MTX2: variants seen among roughly 807,000 people sequenced by gnomAD.
MTX2 encodes the protein metaxin 2.
Under a neutral mutation model 42.3 loss-of-function variants are expected in MTX2, and 35 were observed. The ratio of observed to expected loss-of-function variants is 0.83; its 90% CI spans 0.63 to 1.10. The LOEUF (loss-of-function observed/expected upper bound fraction) is 1.10. Ranked by LOEUF, MTX2 falls within the 50% of genes least tolerant of loss-of-function variation. The probability of loss-of-function intolerance (pLI) is 0.00; values close to 1 mark genes in which losing one functional copy is unlikely to be tolerated. For synonymous variants in MTX2, 119 were observed against 100.9 expected (o/e 1.18, Z -1.08); for missense variants, 307 against 304.1 (o/e 1.01, Z -0.07).
At chr2:176,311,731 T>A (rs189086832) in intron 3 of MTX2, among the ~76,000 whole-genome samples, 1 of 152,322 alleles carries the variant, frequency 6.6e-6, no homozygotes, top group African/African-American at 2.4e-5. Context: ...AGAATCACCT[T>A]GTCTGCCGGT....
chr2:176,326,762 A>G (rs924897565), intron 4 of MTX2, 63 bp from the exon 5 acceptor site: 18 of 1,047,478 alleles, frequency 1.7e-5, no homozygotes, highest in Non-Finnish European at 2.5e-5. Flanking sequence ...AATTTTTTTT[A>G]ATTATCACAA....
At chr2:176,328,015 G>T (rs1215940753) in intron 5 of MTX2, among the ~76,000 whole-genome samples, 3 of 150,900 alleles carry the variant, frequency 2.0e-5, no homozygotes, top group African/African-American at 7.3e-5. Context: ...CTTAAACAAG[G>T]TTTGCTGACC....
chr2:176,320,722 T>TC (rs1473232391), intron 3 of MTX2, among the ~76,000 whole-genome samples: 1 of 145,440 alleles, frequency 6.9e-6, no homozygotes, highest in Non-Finnish European at 1.5e-5. Flanking sequence ...TGAGACAGGG[T>TC]CTTGTTGTAT....
intron 4 of MTX2, among the ~76,000 whole-genome samples, chr2:176,324,582 A>T (rs555469936): frequency 6.6e-6 from 1 of 151,694 alleles, no homozygotes; most frequent in Non-Finnish European, 1.5e-5. Flanking sequence ...CTATGTAGTC[A>T]TACAAACAGT....
chr2:176,277,037 A>G (rs1267776433), intron 1 of MTX2, among the ~76,000 whole-genome samples: 1 of 152,260 alleles, frequency 6.6e-6, no homozygotes, highest in East Asian at 1.9e-4. Context: ...TTTAAGCAGT[A>G]GCATTAATTT....
At chr2:176,311,539 G>A (rs983712640) in intron 3 of MTX2, among the ~76,000 whole-genome samples, 1 of 152,206 alleles carries the variant, frequency 6.6e-6, no homozygotes, top group African/African-American at 2.4e-5. Flanking sequence ...AGGCCTTGTT[G>A]ATCTGCAGTG....
intron 1 of MTX2, among the ~76,000 whole-genome samples, chr2:176,271,389 A>T (rs371456678): frequency 6.6e-6 from 1 of 152,322 alleles, no homozygotes; most frequent in African/African-American, 2.4e-5. Flanking sequence ...TAAGAGAAGA[A>T]ATTGGCAGAT....
intron 3 of MTX2, among the ~76,000 whole-genome samples, chr2:176,306,163 T>G (rs1348733161): frequency 6.6e-6 from 1 of 152,070 alleles, no homozygotes; most frequent in African/African-American, 2.4e-5. Flanking sequence ...GAACATGTGT[T>G]TGGTTTTCTG....
intron 1 of MTX2, among the ~76,000 whole-genome samples, chr2:176,281,366 GATTCTGGC>G (rs1253463146): frequency 6.6e-6 from 1 of 152,128 alleles, no homozygotes; most frequent in Non-Finnish European, 1.5e-5. Context: ...TCTGACAGTT[GATTCTGGC>G]TAGGACTTTG....
intron 1 of MTX2, among the ~76,000 whole-genome samples, chr2:176,281,534 T>G (rs1453813712): frequency 6.6e-6 from 1 of 152,174 alleles, no homozygotes; most frequent in East Asian, 1.9e-4. Flanking sequence ...AGAATTTGCA[T>G]CATCTTTTAT....
At chr2:176,337,395 C>A in intron 9 of MTX2, 98 bp from the exon 10 acceptor site, 1 of 1,048,704 alleles carries the variant, frequency 9.5e-7, no homozygotes, top group Non-Finnish European at 1.4e-6. Context: ...TTAGTTGAAC[C>A]TACGAGTATG....
rs1379561200 is a variant in MTX2 at position 176,337,824 on chromosome 2, A to G, written c.*160A>G. The G allele has an allele frequency of 7.7e-6, 4 of 521,466 alleles. No homozygotes were observed. In the African/African-American group the frequency reaches 7.9e-5, roughly 10 times the overall value. 32.3% of individuals were successfully genotyped at this position (521,466 alleles called of 1,614,324 possible). On this transcript the variant is annotated 3_prime_UTR_variant, in exon 10 of 10. Transcript: ENST00000249442. Reference sequence around the variant, plus strand: ...ATGTGCTTTATATTGTTATTTGTGTATACATTAAAATAATTCTGAATTATT... The same window carrying G: ...ATGTGCTTTATATTGTTATTTGTGTGTACATTAAAATAATTCTGAATTATT...
intron 3 of MTX2, among the ~76,000 whole-genome samples, chr2:176,306,373 T>G (rs1684144685): frequency 2.0e-5 from 3 of 152,184 alleles, no homozygotes; most frequent in African/African-American, 7.2e-5. Context: ...AATAAACATG[T>G]GTGCATTTGT....
chr2:176,272,443 C>T (rs540613756), intron 1 of MTX2, among the ~76,000 whole-genome samples: 16 of 152,112 alleles, frequency 1.1e-4, no homozygotes, highest in Admixed American at 5.2e-4. Context: ...TAAGTTGGTG[C>T]GGTGATGGAT....
At chr2:176,336,314 A>G (rs1357964969) in intron 9 of MTX2, among the ~76,000 whole-genome samples, 1 of 152,102 alleles carries the variant, frequency 6.6e-6, no homozygotes, top group African/African-American at 2.4e-5. Flanking sequence ...AGAGAAAAAA[A>G]TTCCTAGAAA....
chr2:176,294,235 T>C (rs1575040754), intron 1 of MTX2, among the ~76,000 whole-genome samples: 1 of 152,070 alleles, frequency 6.6e-6, no homozygotes, highest in Non-Finnish European at 1.5e-5. Flanking sequence ...TATTTGTCTT[T>C]TGGATGAGAT....
At position 176,329,427 on chromosome 2, in the gene MTX2, G is replaced by T; in HGVS notation, c.543+1G>T. On this transcript the variant is annotated splice_donor_variant, in intron 8 of 9. Coordinates refer to ENST00000249442, the MANE Select transcript of MTX2 (RefSeq NM_006554.5). LOFTEE classifies it high-confidence loss of function. ...ATGGGGAAAGAAGACTCTGGACCAG[G>T]TCAGTTCAGGTTGAAGTTGACAAAA... 6.2e-7 allele frequency: 1 copy of T among 1,603,476 alleles called. No individual in the cohort carries two copies. Among genetic ancestry groups the T allele is most frequent in the Middle Eastern group, 1.7e-4 (1 of 6,006 alleles).
At position 176,330,575 on chromosome 2, in the gene MTX2, C is replaced by T; in HGVS notation, c.544-9C>T. 2 of 1,521,200 alleles carry T rather than the reference C, an allele frequency of 1.3e-6. No individual in the cohort carries two copies. The highest frequency in any genetic ancestry group is 2.8e-5 in the South Asian group (2 of 72,074). 94.2% of individuals were successfully genotyped at this position (1,521,200 alleles called of 1,614,324 possible). A position where few individuals can be genotyped will look rare whatever the true frequency, so the allele number is the denominator to read the frequency against. On this transcript the variant is annotated splice_polypyrimidine_tract_variant and intron_variant, in intron 8 of 9. Transcript: ENST00000249442. ...AATACTTTTCCTTGGGGTTCATTGC[C>T]TGTGTTAGGTCTTAGAGGATGTAGA...
At chr2:176,278,362 C>A (rs1692999616) in intron 1 of MTX2, among the ~76,000 whole-genome samples, 1 of 152,012 alleles carries the variant, frequency 6.6e-6, no homozygotes, top group Admixed American at 6.6e-5. Flanking sequence ...AAACTAAATT[C>A]TTAACAGCAA....
Sources: gnomAD v4.1 joint callset for allele counts (sites outside exome capture counted in the v4.1 genomes callset) on GRCh38, gnomAD v4.1.1 for gene constraint, MANE v1.5 for transcripts, NCBI Gene and HGNC (gene_info 2026-07-23, HGNC 2026-07-21) for gene names.